LIN7A: variants seen among roughly 807,000 people sequenced by gnomAD.
LIN7A encodes lin-7 cell polarity scaffold A.
A neutral mutation model predicts 29.8 loss-of-function variants in LIN7A; 25 were observed. The ratio of observed to expected loss-of-function variants is 0.84; its 90% CI spans 0.61 to 1.17. The LOEUF (loss-of-function observed/expected upper bound fraction) is 1.17, where lower values mean the gene tolerates loss of function less well. Ranked by LOEUF, LIN7A falls within the 50% of genes most tolerant of loss-of-function variation. LIN7A has a pLI of 0.00. For missense variants in LIN7A, 239 were observed against 287.0 expected, an observed-to-expected ratio of 0.83 and a Z score of 1.21; for synonymous variants, 118 against 107.5, an observed-to-expected ratio of 1.10 and a Z score of -0.60.
Position 80,794,209 on chromosome 12 carries a change from C to A in LIN7A, c.*3518G>T, listed in dbSNP as rs893616451. 6.6e-6 allele frequency: 1 copy of A among 152,212 alleles called. No individual in the cohort carries two copies. The highest frequency in any genetic ancestry group is 1.5e-5 in the Non-Finnish European group (1 of 67,982). The allele number at this position is 152,212 out of a possible 1,614,324, so 9.4% of individuals were successfully genotyped here. A position where few individuals can be genotyped will look rare whatever the true frequency, so the allele number is the denominator to read the frequency against. ...TCACTGATTCAGCCACTTATTCATCCAACAAATACCGAGTGCCTACATTGT... is the reference window on the plus strand; with the variant it reads ...TCACTGATTCAGCCACTTATTCATCAAACAAATACCGAGTGCCTACATTGT... On this transcript the variant is annotated 3_prime_UTR_variant, in exon 6 of 6. Transcript: ENST00000552864.
chr12:80,862,575 A>C (rs116017662), intron 2 of LIN7A, among the ~76,000 whole-genome samples: 286 of 152,354 alleles, frequency 1.9e-3, no homozygotes, highest in African/African-American at 6.6e-3. Flanking sequence ...CAACAGCGCT[A>C]TAATGCATGT....
At chr12:80,893,970 T>C (rs905118505) in intron 1 of LIN7A, among the ~76,000 whole-genome samples, 3 of 152,156 alleles carry the variant, frequency 2.0e-5, no homozygotes, top group African/African-American at 7.2e-5. Context: ...GGCCTAGCCG[T>C]TTTGGAAACA....
chr12:80,866,630 C>A (rs758606200), intron 2 of LIN7A, among the ~76,000 whole-genome samples: 1 of 152,132 alleles, frequency 6.6e-6, no homozygotes, highest in African/African-American at 2.4e-5. Flanking sequence ...GATCAAATTG[C>A]AATGGGCTGA....
In LIN7A at chr12:80,879,433, C is replaced by T. The variant is rs1053392745; in HGVS notation, c.201+9818G>A. Among the ~76,000 whole-genome samples, 24 of 152,032 alleles carry T rather than the reference C, an allele frequency of 1.6e-4. No individual in the cohort carries two copies. In the East Asian group the frequency reaches 4.2e-3, roughly 27 times the overall value. On this transcript the variant is annotated intron_variant, in intron 2 of 5. Coordinates refer to ENST00000552864, the MANE Select transcript of LIN7A (RefSeq NM_004664.4). ...TCACATTTTACAAATAATTATGTGA[C>T]TCATTTTTCTTGTGAAAATTGATGA...
At chr12:80,839,385 G>C (rs1872711177) in intron 4 of LIN7A, among the ~76,000 whole-genome samples, 1 of 152,138 alleles carries the variant, frequency 6.6e-6, no homozygotes. Flanking sequence ...ACCTACCACT[G>C]AGGATCATTA....
At chr12:80,855,332 T>A (rs1873544088) in intron 2 of LIN7A, among the ~76,000 whole-genome samples, 1 of 152,104 alleles carries the variant, frequency 6.6e-6, no homozygotes, top group African/African-American at 2.4e-5. Flanking sequence ...TAAGAATGGT[T>A]TTTTAATAAG....
rs139876821 is a variant in LIN7A, at chr12:80,891,389, C to T, written c.83-2020G>A. 1.1e-3 allele frequency among the ~76,000 whole-genome samples: 174 copies of T among 152,332 alleles called. 2 individuals are homozygous for T. Among genetic ancestry groups the T allele is most frequent in the South Asian group, 5.8e-3 (28 of 4,830 alleles). On this transcript the variant is annotated intron_variant, in intron 1 of 5. Coordinates refer to ENST00000552864, the MANE Select transcript of LIN7A (RefSeq NM_004664.4). ...AGGCCCTTAACGGCCGACTTCTTCT[C>T]GCTCATCTCAGAACACCTCCTCCTG...
intron 2 of LIN7A, among the ~76,000 whole-genome samples, chr12:80,878,500 T>C (rs576308910): frequency 6.6e-6 from 1 of 152,200 alleles, no homozygotes; most frequent in African/African-American, 2.4e-5. Flanking sequence ...CCATGGACCT[T>C]TGCGGTGAGT....
At chr12:80,870,707 C>T (rs1268083164) in intron 2 of LIN7A, among the ~76,000 whole-genome samples, 1 of 152,152 alleles carries the variant, frequency 6.6e-6, no homozygotes, top group Non-Finnish European at 1.5e-5. Context: ...AAATTATGAA[C>T]AGGAGAAAAC....
intron 5 of LIN7A, among the ~76,000 whole-genome samples, chr12:80,807,083 T>TTTGTTTTTGTTTTTG (rs1555221408): frequency 1.5e-5 from 2 of 137,206 alleles, no homozygotes; most frequent in Non-Finnish European, 3.1e-5. Flanking sequence ...TTTTTTTTTT[T>TTTGTTTTTGTTTTTG]TTTTTTTTGA....
chr12:80,848,426 T>C, intron 2 of LIN7A, 104 bp from the exon 3 acceptor site: 1 of 793,664 alleles, frequency 1.3e-6, no homozygotes, highest in South Asian at 1.6e-5. Context: ...AAAAATTCTC[T>C]ATTGCAAAAT....
intron 4 of LIN7A, among the ~76,000 whole-genome samples, chr12:80,823,324 A>G (rs544348328): frequency 1.3e-5 from 2 of 152,332 alleles, no homozygotes; most frequent in South Asian, 4.1e-4. Flanking sequence ...TCCCCGAGCC[A>G]GGGTTGTGAC....
chr12:80,861,865 T>G (rs1873900971), intron 2 of LIN7A, among the ~76,000 whole-genome samples: 2 of 152,224 alleles, frequency 1.3e-5, no homozygotes, highest in South Asian at 4.1e-4. Context: ...TGAGGCAGGT[T>G]TTTGAGAGTT....
Position 80,806,542 on chromosome 12 carries a change from T to G in LIN7A, c.*4923A>C, listed in dbSNP as rs143233709. ...TACCATCTCAGATAAAAAAACATAT[T>G]ATTTCTAATTTCAGAGTAGAAATTG... On this transcript the variant is annotated intron_variant, in intron 5 of 5. Coordinates refer to ENST00000552864, the MANE Select transcript of LIN7A (RefSeq NM_004664.4). 2.3e-3 allele frequency among the ~76,000 whole-genome samples: 353 copies of G among 152,342 alleles called. 4 individuals are homozygous for G. Among genetic ancestry groups the G allele is most frequent in the African/African-American group, 8.2e-3 (339 of 41,568 alleles).
chr12:80,928,077 T>G (rs1371893436), intron 1 of LIN7A, among the ~76,000 whole-genome samples: 1 of 152,222 alleles, frequency 6.6e-6, no homozygotes, highest in Non-Finnish European at 1.5e-5. Context: ...ATGGTGTATA[T>G]GTGCCACATT....
intron 2 of LIN7A, among the ~76,000 whole-genome samples, chr12:80,885,709 C>G (rs1875291408): frequency 6.6e-6 from 1 of 151,988 alleles, no homozygotes. Flanking sequence ...TATTTTCATG[C>G]TTTCTTACAG....
At chr12:80,855,851 A>C (rs1335253207) in intron 2 of LIN7A, among the ~76,000 whole-genome samples, 1 of 152,194 alleles carries the variant, frequency 6.6e-6, no homozygotes, top group East Asian at 1.9e-4. Context: ...TAACTGATTC[A>C]TCTACTAAGG....
At chr12:80,844,713 T>C (rs1206172381) in intron 4 of LIN7A, among the ~76,000 whole-genome samples, 1 of 152,192 alleles carries the variant, frequency 6.6e-6, no homozygotes, top group African/African-American at 2.4e-5. Flanking sequence ...GTTTGTTTCA[T>C]AGGAAACAAT....
chr12:80,851,757 C>T (rs1873346017), intron 2 of LIN7A, among the ~76,000 whole-genome samples: 2 of 57,780 alleles, frequency 3.5e-5, no homozygotes, highest in South Asian at 1.1e-3. Flanking sequence ...ACTTCAGCTA[C>T]AGCATTTGTA....
Sources: allele counts gnomAD v4.1 joint callset (sites outside exome capture counted in the v4.1 genomes callset), GRCh38; gene constraint gnomAD v4.1.1; transcripts MANE v1.5; gene names NCBI Gene and HGNC (gene_info 2026-07-23, HGNC 2026-07-21).